The following CENPL variants were observed in gnomAD, a reference collection of about 807,000 sequenced individuals.
The protein encoded by CENPL is interphase centromere complex protein 33.
CENPL carries 20 observed loss-of-function variants against 35.2 expected under a neutral mutation model. The ratio of observed to expected loss-of-function variants is 0.57; its 90% CI spans 0.40 to 0.83. The LOEUF (loss-of-function observed/expected upper bound fraction) is 0.83, where lower values mean the gene tolerates loss of function less well. Ranked by LOEUF, CENPL falls within the 40% of genes least tolerant of loss-of-function variation. CENPL has a pLI of 0.00. For synonymous variants in CENPL, 140 were observed against 140.6 expected, an observed-to-expected ratio of 1.00 and a Z score of 0.03; for missense variants, 363 against 395.8, an observed-to-expected ratio of 0.92 and a Z score of 0.70.
intron 2 of CENPL, among the ~76,000 whole-genome samples, chr1:173,820,098 T>C (rs1304095864): frequency 2.0e-5 from 3 of 152,104 alleles, no homozygotes; most frequent in Admixed American, 6.6e-5. Flanking sequence ...TCAGATTTTC[T>C]CAAATTTGGG....
chr1:173,801,474 A>G (rs189558191), intron 5 of CENPL, among the ~76,000 whole-genome samples: 7 of 150,060 alleles, frequency 4.7e-5, no homozygotes, highest in Admixed American at 2.7e-4. Flanking sequence ...AGATCACACC[A>G]CTGCACACCA....
intron 3 of CENPL, among the ~76,000 whole-genome samples, chr1:173,808,012 T>C (rs1650398674): frequency 6.6e-6 from 1 of 152,206 alleles, no homozygotes; most frequent in South Asian, 2.1e-4. Flanking sequence ...GTTCAATAAA[T>C]ATTTAACATA....
chr1:173,822,503 C>T (rs924203439), intron 2 of CENPL: 2 of 152,174 alleles, frequency 1.3e-5, no homozygotes, highest in African/African-American at 4.8e-5. Context: ...ACAGCTGCAA[C>T]CCAGTCCTGC....
chr1:173,810,749 T>C (rs1650734294), intron 3 of CENPL, among the ~76,000 whole-genome samples: 1 of 151,922 alleles, frequency 6.6e-6, no homozygotes, highest in South Asian at 2.1e-4. Context: ...TGAAACCCCG[T>C]CTCTACTAAA....
At chr1:173,808,611 G>T (rs1438758056) in intron 3 of CENPL, 1 of 141,566 alleles carries the variant, frequency 7.1e-6, no homozygotes, top group Non-Finnish European at 1.5e-5. Context: ...TACTGTGCTA[G>T]ACTAGTCTTA....
Position 173,803,180 on chromosome 1 carries a change from C to A in CENPL, c.746G>T (p.Ser249Ile), listed in dbSNP as rs1253283189. Residue 249 changes from serine to isoleucine, a missense_variant, in exon 5 of 6, where the codon AGT (serine) becomes ATT (isoleucine). By Grantham distance (142) the Ser-to-Ile change is moderately radical (BLOSUM62 -2). Transcript: ENST00000682279. ...FLWSVPCSPQ[S>I]LDISFAIHPE... The stretch of plus-strand genomic sequence containing the variant: ...ATGTATTGCGAAAGAAATGTCCAGA[C>A]TTTGAGGGCTACAGGGTACAGACCA... 8 of 1,613,660 alleles carry A rather than the reference C, an allele frequency of 5.0e-6. No homozygotes were observed. Among genetic ancestry groups the A allele is most frequent in the Non-Finnish European group, 5.9e-6 (7 of 1,179,676 alleles).
At chr1:173,808,737 C>T (rs1055138069) in intron 3 of CENPL, 1 of 151,416 alleles carries the variant, frequency 6.6e-6, no homozygotes, top group African/African-American at 2.4e-5. Context: ...TAAAAATTAA[C>T]TCAAGGTGGA....
At chr1:173,801,166 T>C (rs1649713628) in intron 5 of CENPL, among the ~76,000 whole-genome samples, 1 of 152,088 alleles carries the variant, frequency 6.6e-6, no homozygotes, top group African/African-American at 2.4e-5. Flanking sequence ...CTATCTTGCT[T>C]GTCATTTAAA....
chr1:173,806,538 C>T (rs1650247875), intron 4 of CENPL: 1 of 431,308 alleles, frequency 2.3e-6, no homozygotes. Context: ...CAACCAAGAT[C>T]GTGCCACTGT....
chr1:173,802,978 A>G lies in CENPL; in HGVS notation c.948T>C (p.Thr316=). The G allele has an allele frequency of 6.2e-7, 1 of 1,602,648 alleles. No homozygotes were observed. Among genetic ancestry groups the G allele is most frequent in the Non-Finnish European group, 8.5e-7 (1 of 1,173,234 alleles). Residue 316 remains threonine, a synonymous_variant, in exon 5 of 6, where the codon ACT becomes ACC. Coordinates refer to ENST00000682279, the MANE Select transcript of CENPL (RefSeq NM_001387287.1). ...RVSTSVASAH[T]DGKIKILCHK... is the part of the protein sequence containing the mutation. ...TCAAACTAACCTTTATTTTTCCATC[A>G]GTATGTGCTGAAGCTACAGATGTTG... is the stretch of plus-strand genomic sequence containing the variant.
intron 5 of CENPL, among the ~76,000 whole-genome samples, chr1:173,802,661 T>C (rs1272690225): frequency 2.0e-5 from 3 of 152,264 alleles, no homozygotes; most frequent in Non-Finnish European, 4.4e-5. Context: ...AAATTCTCTA[T>C]TACTCTGATA....
At chr1:173,804,798 T>A (rs1284244953) in intron 4 of CENPL, among the ~76,000 whole-genome samples, 1 of 152,216 alleles carries the variant, frequency 6.6e-6, no homozygotes, top group Non-Finnish European at 1.5e-5. Context: ...AACTAAATTT[T>A]AAGTTACATG....
intron 2 of CENPL, among the ~76,000 whole-genome samples, chr1:173,812,440 G>A (rs1650929923): frequency 6.6e-6 from 1 of 152,194 alleles, no homozygotes. Context: ...CCTCACACAG[G>A]CAGGTGCCAC....
intron 2 of CENPL, chr1:173,822,217 G>A (rs544845848): frequency 2.6e-5 from 4 of 151,998 alleles, no homozygotes; most frequent in Non-Finnish European, 4.4e-5. Flanking sequence ...CTGTACTTTC[G>A]AAGATCATTG....
rs149421170 is a variant in CENPL at position 173,816,036 on chromosome 1, A to G, written c.-7-4730T>C. ...GCAAAAATCACAAGCATTCCTATACACCAATAACAGACAGAGAGCAAAATC... is the reference window on the plus strand; with the variant it reads ...GCAAAAATCACAAGCATTCCTATACGCCAATAACAGACAGAGAGCAAAATC... On this transcript the variant is annotated intron_variant, in intron 2 of 5. Transcript: ENST00000682279. 1.0e-3 allele frequency among the ~76,000 whole-genome samples: 152 copies of G among 152,334 alleles called. 1 individual carries two copies. The highest frequency in any genetic ancestry group is 3.6e-3 in the African/African-American group (151 of 41,564).
At chr1:173,807,237 T>TA in intron 4 of CENPL, 30 bp downstream of exon 4, 1 of 1,495,054 alleles carries the variant, frequency 6.7e-7, no homozygotes, top group Non-Finnish European at 9.0e-7. Flanking sequence ...ACTTTTCCCC[T>TA]AGGAAGCAAG....
At chr1:173,801,774 T>A (rs1471752765) in intron 5 of CENPL, among the ~76,000 whole-genome samples, 2 of 151,768 alleles carry the variant, frequency 1.3e-5, no homozygotes, top group Non-Finnish European at 2.9e-5. Flanking sequence ...GAGTTGAGAT[T>A]GCACCACTGC....
At position 173,803,438 on chromosome 1, in the gene CENPL, C is replaced by G. The variant is rs760737838; in HGVS notation, c.488G>C (p.Cys163Ser). ...CAGAAGACTGTCTCCAAATACACAG[C>G]AGAACCAGCCAGTCCACAGCACTTT... The part of the protein sequence containing the change: ...EGKVLWTGWF[C>S]CVFGDSLLET... Residue 163 changes from cysteine (C) to serine (S), a missense_variant, in exon 5 of 6, where the codon TGC becomes TCC. Physicochemically the swap from Cys to Ser is moderately radical, Grantham distance 112 (BLOSUM62 -1). Transcript: ENST00000682279. 5 of 1,613,848 alleles carry G rather than the reference C, an allele frequency of 3.1e-6. No homozygotes were observed. Among genetic ancestry groups the G allele is most frequent in the Non-Finnish European group, 4.2e-6 (5 of 1,179,772 alleles).
In CENPL at chr1:173,801,204, T is replaced by C. The variant is rs1195678000; in HGVS notation, c.964-685A>G. On this transcript the variant is annotated intron_variant, in intron 5 of 5. Transcript: ENST00000682279. The stretch of plus-strand genomic sequence containing the variant: ...TATCTTGGCCTCAGTTTCCTTGTTT[T>C]AAAATAAAATGTGGATAAAAACACC... Among the ~76,000 whole-genome samples, 9 of 152,166 alleles carry C rather than the reference T, an allele frequency of 5.9e-5. No individual in the cohort carries two copies. In the South Asian group the frequency reaches 1.5e-3, roughly 25 times the overall value.
Sources: allele counts gnomAD v4.1 joint callset (sites outside exome capture counted in the v4.1 genomes callset), GRCh38; gene constraint gnomAD v4.1.1; transcripts MANE v1.5; gene names NCBI Gene and HGNC (gene_info 2026-07-23, HGNC 2026-07-21).